Variants in SH3RF3 observed in about 807,000 individuals in gnomAD.
SH3RF3 encodes SH3 domain containing ring finger 3, also known as E3 ubiquitin-protein ligase SH3RF3.
Under a neutral mutation model 66.3 loss-of-function variants are expected in SH3RF3, and 29 were observed. The observed-to-expected ratio is 0.44, with a 90% CI of 0.33 to 0.60. SH3RF3 has a LOEUF of 0.60. Ranked by LOEUF, SH3RF3 falls within the 20% of genes least tolerant of loss-of-function variation. The pLI, the probability that SH3RF3 is intolerant of heterozygous loss-of-function variation, is 0.04. For missense variants in SH3RF3, 1,194 were observed against 1,190.9 expected (o/e 1.00, Z -0.04); for synonymous variants, 583 against 532.0 (o/e 1.10, Z -1.32).
intron 1 of SH3RF3, among the ~76,000 whole-genome samples, chr2:109,155,490 A>T (rs778899983): frequency 1.5e-4 from 23 of 151,948 alleles, no homozygotes; most frequent in Non-Finnish European, 2.2e-4. Flanking sequence ...TTTAGTAGAG[A>T]TGGGGTTTCA....
intron 1 of SH3RF3, among the ~76,000 whole-genome samples, chr2:109,228,745 C>T (rs1280134558): frequency 6.6e-6 from 1 of 152,122 alleles, no homozygotes; most frequent in African/African-American, 2.4e-5. Context: ...TGGAAGGGTC[C>T]TGAGCACAGG....
At position 109,432,197 on chromosome 2, in the gene SH3RF3, TG is replaced by T. The variant is rs138513153; in HGVS notation, c.1404-301del. On this transcript the variant is annotated intron_variant, in intron 5 of 9. Transcript: ENST00000309415. ...GAGTCCTTGAGGGCTTTGGGGTCAC[TG>T]GGCCTTAGGGAGCTGCCTTCCTATC... 1.2e-4 allele frequency among the ~76,000 whole-genome samples: 18 copies of T among 152,288 alleles called. No homozygotes were observed. In the East Asian group the frequency reaches 3.1e-3, roughly 26 times the overall value.
At chr2:109,442,374 G>C (rs1677593738) in intron 7 of SH3RF3, among the ~76,000 whole-genome samples, 1 of 150,028 alleles carries the variant, frequency 6.7e-6, no homozygotes, top group South Asian at 2.1e-4. Context: ...TATTTAGAAA[G>C]AAGGCAGATG....
chr2:109,366,132 C>T (rs182466748), intron 2 of SH3RF3, among the ~76,000 whole-genome samples: 1 of 152,118 alleles, frequency 6.6e-6, no homozygotes. Flanking sequence ...GTTATCCATT[C>T]TTTAAATTTT....
intron 2 of SH3RF3, among the ~76,000 whole-genome samples, chr2:109,364,160 T>G (rs1324694751): frequency 1.4e-5 from 2 of 139,272 alleles, no homozygotes; most frequent in Non-Finnish European, 3.0e-5. Flanking sequence ...TCCATTATGG[T>G]TTTTTTTTTT....
chr2:109,402,111 C>T (rs1355399549), intron 4 of SH3RF3, among the ~76,000 whole-genome samples: 2 of 152,228 alleles, frequency 1.3e-5, no homozygotes, highest in Non-Finnish European at 2.9e-5. Context: ...GTGTATGCTG[C>T]CCCTGCGGGC....
chr2:109,134,685 G>A (rs1343483370), intron 1 of SH3RF3, among the ~76,000 whole-genome samples: 1 of 152,152 alleles, frequency 6.6e-6, no homozygotes, highest in Non-Finnish European at 1.5e-5. Context: ...TTTTTTGGAA[G>A]ATTAACTTTG....
intron 1 of SH3RF3, among the ~76,000 whole-genome samples, chr2:109,304,914 A>G (rs1681556058): frequency 6.6e-6 from 1 of 152,176 alleles, no homozygotes; most frequent in African/African-American, 2.4e-5. Flanking sequence ...TGCCAGAGTG[A>G]AAACTGCTCG....
intron 1 of SH3RF3, among the ~76,000 whole-genome samples, chr2:109,335,352 G>C (rs982830638): frequency 6.6e-6 from 1 of 152,166 alleles, no homozygotes; most frequent in African/African-American, 2.4e-5. Flanking sequence ...TCTCAATGGC[G>C]TTTATTTCCT....
At chr2:109,451,267 G>C (rs939451007) in intron 8 of SH3RF3, among the ~76,000 whole-genome samples, 1 of 152,330 alleles carries the variant, frequency 6.6e-6, no homozygotes, top group Admixed American at 6.5e-5. Flanking sequence ...TCTTGAATCT[G>C]TTCCCTTCTA....
At chr2:109,231,676 A>T (rs527534363) in intron 1 of SH3RF3, among the ~76,000 whole-genome samples, 2 of 152,318 alleles carry the variant, frequency 1.3e-5, no homozygotes, top group African/African-American at 2.4e-5. Flanking sequence ...GCCTAAGTAA[A>T]AATATAATTA....
At chr2:109,463,442 G>A (rs559994432) in intron 8 of SH3RF3, among the ~76,000 whole-genome samples, 24 of 152,310 alleles carry the variant, frequency 1.6e-4, no homozygotes, top group African/African-American at 4.8e-4. Context: ...CCACTGTAAG[G>A]TCCGGCCTGT....
At chr2:109,230,658 T>A (rs1679485425) in intron 1 of SH3RF3, among the ~76,000 whole-genome samples, 1 of 152,208 alleles carries the variant, frequency 6.6e-6, no homozygotes, top group South Asian at 2.1e-4. Context: ...TATGTCCTGA[T>A]AAACCCATTG....
rs1679471970 is a variant in SH3RF3, at chr2:109,504,256, GT to G, written c.*2586del. The G allele has an allele frequency of 6.6e-6, 1 of 152,244 alleles. No individual in the cohort carries two copies. Among genetic ancestry groups the G allele is most frequent in the East Asian group, 1.9e-4 (1 of 5,188 alleles). 9.4% of individuals were successfully genotyped at this position (152,244 alleles called of 1,614,324 possible). A position where few individuals can be genotyped will look rare whatever the true frequency, so the allele number is the denominator to read the frequency against. ...ATGATGTACACATCTTAGCCATGTA[GT>G]GGCCTTGGGGGGCCACAGAGATTTC... On this transcript the variant is annotated 3_prime_UTR_variant, in exon 10 of 10. Coordinates refer to ENST00000309415, the MANE Select transcript of SH3RF3 (RefSeq NM_001099289.3).
rs1369444864 is a variant in SH3RF3 at position 109,347,931 on chromosome 2, C to T, written c.831C>T (p.Asp277=). Residue 277 remains aspartate, a synonymous_variant, in exon 2 of 10, where the codon GAC becomes GAT. Coordinates refer to ENST00000309415, the MANE Select transcript of SH3RF3 (RefSeq NM_001099289.3). ...TGAAGGACAAAGACCAAGACAAGGA[C>T]TGTCTGACCTTCACCAAGGTAAGGT... ...FEMKDKDQDK[D]CLTFTKDEIL... 3.1e-6 allele frequency: 5 copies of T among 1,605,734 alleles called. No individual in the cohort carries two copies. The highest frequency in any genetic ancestry group is 1.7e-5 in the Admixed American group (1 of 58,888).
chr2:109,364,951 TGTA>T (rs1683127201), intron 2 of SH3RF3, among the ~76,000 whole-genome samples: 1 of 152,066 alleles, frequency 6.6e-6, no homozygotes, highest in Non-Finnish European at 1.5e-5. Context: ...ATTAACTGGG[TGTA>T]GTGGCACACG....
At chr2:109,457,364 A>G (rs529003505) in intron 8 of SH3RF3, among the ~76,000 whole-genome samples, 1 of 152,368 alleles carries the variant, frequency 6.6e-6, no homozygotes, top group Non-Finnish European at 1.5e-5. Flanking sequence ...GTAAACTATT[A>G]TTCAGAAGTA....
At chr2:109,393,171 A>G (rs112688332) in intron 3 of SH3RF3, among the ~76,000 whole-genome samples, 3,250 of 152,316 alleles carry the variant, frequency 0.021, 46 homozygotes, top group Non-Finnish European at 0.033. Flanking sequence ...AAGGCCAGCA[A>G]CCAGCCTTGG....
chr2:109,395,969 C>A (rs1453268130), intron 3 of SH3RF3, among the ~76,000 whole-genome samples: 1 of 152,222 alleles, frequency 6.6e-6, no homozygotes, highest in South Asian at 2.1e-4. Flanking sequence ...AGAAGGGAAT[C>A]ATTTGAGCCC....
Sources: allele counts gnomAD v4.1 joint callset (sites outside exome capture counted in the v4.1 genomes callset), GRCh38; gene constraint gnomAD v4.1.1; transcripts MANE v1.5; gene names NCBI Gene and HGNC (gene_info 2026-07-23, HGNC 2026-07-21).